Variants in TMEM67 observed in about 807,000 individuals in gnomAD.
TMEM67 encodes transmembrane protein 67.
Under a neutral mutation model 136.6 loss-of-function variants are expected in TMEM67, and 124 were observed. That is an observed-to-expected ratio of 0.91 (90% CI 0.78 to 1.05). The LOEUF is 1.05. Ranked by LOEUF, TMEM67 falls within the 50% of genes least tolerant of loss-of-function variation. TMEM67 has a pLI of 0.00. For missense variants in TMEM67, 1,107 were observed against 1,178.4 expected (o/e 0.94, Z 0.89); for synonymous variants, 364 against 390.5 (o/e 0.93, Z 0.80).
chr8:93,826,886 A>C, the TMEM67 span, among the ~76,000 whole-genome samples: 2 of 151,966 alleles, frequency 1.3e-5, no homozygotes, highest in Non-Finnish European at 2.9e-5. Flanking sequence ...CTGGAGTGCA[A>C]TGGTGCAATC....
chr8:93,828,273 A>G, the TMEM67 span, among the ~76,000 whole-genome samples: 3 of 152,168 alleles, frequency 2.0e-5, no homozygotes, highest in Admixed American at 2.0e-4. Flanking sequence ...AAGAACATGT[A>G]GCCATATGCA....
the TMEM67 span, among the ~76,000 whole-genome samples, chr8:93,826,190 C>T: frequency 4.2e-5 from 5 of 118,092 alleles, no homozygotes; most frequent in East Asian, 9.2e-4. Flanking sequence ...ACTGCAGTGG[C>T]GCTATCTCGG....
At chr8:93,766,367 G>C (rs4255106) in intron 6 of TMEM67, among the ~76,000 whole-genome samples, 60,218 of 151,990 alleles carry the variant, frequency 0.4, 13,074 homozygotes, top group African/African-American at 0.57. Context: ...ACCCACCCAC[G>C]TTGGCCTCCC....
chr8:93,788,033 CTT>C (rs376142937), intron 14 of TMEM67, 84 bp downstream of exon 14: 2,750 of 760,832 alleles, frequency 3.6e-3, no homozygotes, highest in Non-Finnish European at 4.0e-3. Flanking sequence ...AAAAGACAGT[CTT>C]TTTTTTTTTT....
downstream of TMEM67, among the ~76,000 whole-genome samples, chr8:93,824,037 G>C (rs1809077243): frequency 6.6e-6 from 1 of 152,208 alleles, no homozygotes; most frequent in African/African-American, 2.4e-5. Flanking sequence ...GCTGGGGTCA[G>C]CTGTTATTCT....
At chr8:93,822,387 ATG>A (rs1809053587), downstream of TMEM67, among the ~76,000 whole-genome samples, 1 of 152,232 alleles carries the variant, frequency 6.6e-6, no homozygotes, top group Non-Finnish European at 1.5e-5. Flanking sequence ...ACTGTTTACT[ATG>A]TAAAGTGAGG....
In TMEM67 at chr8:93,804,873, G is replaced by A; in HGVS notation, c.2434G>A (p.Glu812Lys). Residue 812 changes from glutamate (E) to lysine (K), a missense_variant, in exon 23 of 28, where the codon GAA becomes AAA. Physicochemically the swap from Glu to Lys is moderately conservative, Grantham distance 56 (BLOSUM62 1). Around this residue, in one of 3 missense-constraint regions of TMEM67, gnomAD observed 925 missense variants for 1,002.4 expected, o/e 0.92. Coordinates refer to ENST00000453321, the MANE Select transcript of TMEM67 (RefSeq NM_153704.6). ...AGAAATGAATATGAACCTTAAAAGAGAAGCGGTATGAAAATGTTTTACATC... is the reference window on the plus strand; with the variant it reads ...AGAAATGAATATGAACCTTAAAAGAAAAGCGGTATGAAAATGTTTTACATC... ...MEEMNMNLKR[E>K]AENLCSQRGL... is the part of the protein sequence containing the mutation. 1 of 1,521,872 alleles carries A rather than the reference G, an allele frequency of 6.6e-7. No homozygotes were observed. Among genetic ancestry groups the A allele is most frequent in the Non-Finnish European group, 9.1e-7 (1 of 1,096,252 alleles). 94.3% of individuals were successfully genotyped at this position (1,521,872 alleles called of 1,614,324 possible). A position where few individuals can be genotyped will look rare whatever the true frequency, so the allele number is the denominator to read the frequency against.
chr8:93,815,793 A>AG (rs1195374999), intron 27 of TMEM67, among the ~76,000 whole-genome samples: 1 of 152,102 alleles, frequency 6.6e-6, no homozygotes, highest in Non-Finnish European at 1.5e-5. Flanking sequence ...TAACAAAAAA[A>AG]CAAGCACTGG....
downstream of TMEM67, among the ~76,000 whole-genome samples, chr8:93,822,140 C>T (rs1809050408): frequency 6.6e-6 from 1 of 152,150 alleles, no homozygotes. Flanking sequence ...GAACTCATCA[C>T]ATCAATAAGG....
At chr8:93,787,981 G>A in intron 14 of TMEM67, 32 bp downstream of exon 14, 2 of 1,467,356 alleles carry the variant, frequency 1.4e-6, no homozygotes, top group Non-Finnish European at 1.9e-6. Context: ...GCCCTTGTAT[G>A]TATAAATAGA....
chr8:93,815,676 A>AT (rs1308420748), intron 27 of TMEM67, among the ~76,000 whole-genome samples: 2 of 152,206 alleles, frequency 1.3e-5, no homozygotes, highest in Non-Finnish European at 2.9e-5. Flanking sequence ...AAGTTGCTTG[A>AT]TTATACATGG....
chr8:93,767,725 A>ATTT lies in TMEM67; in HGVS notation c.651+2093_651+2095dup, dbSNP rs61268455. Among the ~76,000 whole-genome samples, 179 of 139,710 alleles carry ATTT rather than the reference A, an allele frequency of 1.3e-3. 1 individual carries two copies. Among genetic ancestry groups the ATTT allele is most frequent in the Admixed American group, 3.3e-3 (47 of 14,232 alleles). The allele number at this position is 139,710 out of a possible 152,430, so 91.7% of individuals were successfully genotyped here. On this transcript the variant is annotated intron_variant, in intron 6 of 27. Coordinates refer to ENST00000453321, the MANE Select transcript of TMEM67 (RefSeq NM_153704.6). ...GTCCCTTCAAGTTGGCTTCTGCGTGATTTTTTTTTTTTTTTTGACATGTCC... is the reference window on the plus strand; with the variant it reads ...GTCCCTTCAAGTTGGCTTCTGCGTGATTTTTTTTTTTTTTTTTTTGACATGTCC...
At chr8:93,832,235 G>A in the TMEM67 span, among the ~76,000 whole-genome samples, 1 of 152,146 alleles carries the variant, frequency 6.6e-6, no homozygotes, top group Non-Finnish European at 1.5e-5. Flanking sequence ...TGGGGCTAGA[G>A]GTCTTATCTC....
chr8:93,798,446 A>G (rs919999889), intron 20 of TMEM67, among the ~76,000 whole-genome samples: 1 of 152,238 alleles, frequency 6.6e-6, no homozygotes, highest in Non-Finnish European at 1.5e-5. Flanking sequence ...GTTCTGTGCT[A>G]AGAGCTGGGG....
chr8:93,820,312 G>A (rs1014680476), downstream of TMEM67, among the ~76,000 whole-genome samples: 8 of 152,110 alleles, frequency 5.3e-5, no homozygotes, highest in Non-Finnish European at 7.4e-5. Flanking sequence ...GTATGTTTGG[G>A]GGCTTTGGAG....
intron 26 of TMEM67, among the ~76,000 whole-genome samples, chr8:93,812,985 C>G (rs1245481806): frequency 1.3e-5 from 2 of 152,152 alleles, no homozygotes; most frequent in African/African-American, 2.4e-5. Flanking sequence ...ATCCACCCGC[C>G]TCAGCCTCCC....
chr8:93,769,720 T>C (rs1813249493), intron 6 of TMEM67: 1 of 165,898 alleles, frequency 6.0e-6, no homozygotes, highest in Non-Finnish European at 1.5e-5. Context: ...AGTCAGATTC[T>C]AAGGGCTTGT....
At chr8:93,794,487 T>C (rs947586886) in intron 16 of TMEM67, among the ~76,000 whole-genome samples, 1 of 152,244 alleles carries the variant, frequency 6.6e-6, no homozygotes, top group African/African-American at 2.4e-5. Context: ...TTACACGTGA[T>C]GAAATTGAGG....
At chr8:93,766,943 G>C (rs996399989) in intron 6 of TMEM67, among the ~76,000 whole-genome samples, 4 of 152,192 alleles carry the variant, frequency 2.6e-5, no homozygotes, top group Admixed American at 1.3e-4. Flanking sequence ...GTGAATATCT[G>C]TATATGATTA....
Sources: gnomAD v4.1 joint callset for allele counts (sites outside exome capture counted in the v4.1 genomes callset) on GRCh38, gnomAD v4.1.1 for gene constraint, gnomAD v4.1.1 regional missense constraint, MANE v1.5 for transcripts, NCBI Gene and HGNC (gene_info 2026-07-23, HGNC 2026-07-21) for gene names.